ATP8B1: variants seen among roughly 807,000 people sequenced by gnomAD.
ATP8B1 encodes the protein phospholipid-transporting ATPase IC.
ATP8B1 carries 80 observed loss-of-function variants against 149.9 expected under a neutral mutation model. The observed-to-expected ratio is 0.53, with a 90% CI of 0.45 to 0.64. The LOEUF (loss-of-function observed/expected upper bound fraction) is 0.64, where lower values mean the gene tolerates loss of function less well. Among genes scored for constraint, ATP8B1 ranks in the 30% least tolerant of loss-of-function variants. The probability of loss-of-function intolerance (pLI) is 0.00; values close to 1 mark genes in which losing one functional copy is unlikely to be tolerated. For missense variants in ATP8B1, 1,247 were observed against 1,552.6 expected (o/e 0.80, Z 3.31); for synonymous variants, 536 against 562.8 (o/e 0.95, Z 0.67).
At chr18:57,687,242 A>G (rs1912296334) in intron 13 of ATP8B1, among the ~76,000 whole-genome samples, 2 of 152,092 alleles carry the variant, frequency 1.3e-5, no homozygotes, top group African/African-American at 4.8e-5. Flanking sequence ...AGTAACTCCC[A>G]ATTCCCCTGA....
intron 2 of ATP8B1, among the ~76,000 whole-genome samples, chr18:57,719,568 G>A (rs569955942): frequency 3.9e-5 from 6 of 152,180 alleles, no homozygotes; most frequent in Non-Finnish European, 7.3e-5. Flanking sequence ...GAAAAACGGC[G>A]CACCTAGAGA....
At position 57,706,259 on chromosome 18, in the gene ATP8B1, AAGAG is replaced by A. The variant is rs569415800; in HGVS notation, c.279+227_279+230del. Among the ~76,000 whole-genome samples the A allele has an allele frequency of 1.2e-4, 18 of 152,332 alleles. No individual in the cohort carries two copies. The East Asian group carries it at 3.3e-3, about 28-fold the overall frequency. ...TTCTAAGAGAGCTTAAAATTTAAAA[AAGAG>A]AGAGAAAATTTCAATCTACATAATT... On this transcript the variant is annotated intron_variant, in intron 3 of 27. Coordinates refer to ENST00000648908, the MANE Select transcript of ATP8B1 (RefSeq NM_001374385.1).
At chr18:57,659,467 G>A (rs116955855) in intron 22 of ATP8B1, among the ~76,000 whole-genome samples, 61 of 151,988 alleles carry the variant, frequency 4.0e-4, no homozygotes, top group African/African-American at 1.3e-3. Flanking sequence ...AAGCAAACCC[G>A]TCCCCTCCCA....
intron 1 of ATP8B1, among the ~76,000 whole-genome samples, chr18:57,770,359 C>T (rs1055600570): frequency 3.9e-5 from 6 of 152,344 alleles, no homozygotes; most frequent in African/African-American, 1.2e-4. Flanking sequence ...GGTTAGATGT[C>T]TCAAAATTTG....
At chr18:57,649,552 ACTCT>A (rs1398753603) in intron 27 of ATP8B1, among the ~76,000 whole-genome samples, 7 of 151,440 alleles carry the variant, frequency 4.6e-5, no homozygotes, top group Admixed American at 4.6e-4. Context: ...AGTAGCCTCT[ACTCT>A]CTCCTTCTTT....
intron 1 of ATP8B1, among the ~76,000 whole-genome samples, chr18:57,760,952 G>A (rs1488781168): frequency 6.6e-6 from 1 of 151,246 alleles, no homozygotes; most frequent in Admixed American, 6.6e-5. Flanking sequence ...TCGCACCACC[G>A]CCCTCCAGCC....
At chr18:57,729,940 T>C (rs1293773698) in intron 2 of ATP8B1, among the ~76,000 whole-genome samples, 2 of 152,100 alleles carry the variant, frequency 1.3e-5, no homozygotes, top group Non-Finnish European at 2.9e-5. Flanking sequence ...CCTCAACAGC[T>C]TGAAATCAAA....
intron 20 of ATP8B1, among the ~76,000 whole-genome samples, chr18:57,664,569 G>A (rs1910742448): frequency 6.6e-6 from 1 of 150,662 alleles, no homozygotes; most frequent in Non-Finnish European, 1.5e-5. Flanking sequence ...TTGTTTGTTA[G>A]GAATAAACTT....
chr18:57,715,151 A>C (rs572920083), intron 2 of ATP8B1, among the ~76,000 whole-genome samples: 90 of 152,346 alleles, frequency 5.9e-4, no homozygotes, highest in African/African-American at 2.0e-3. Context: ...TCTATCAGAT[A>C]AATGTAACAG....
At chr18:57,775,435 G>C (rs868179184) in intron 1 of ATP8B1, among the ~76,000 whole-genome samples, 5 of 151,834 alleles carry the variant, frequency 3.3e-5, no homozygotes, top group Non-Finnish European at 7.4e-5. Context: ...AGGAAAGACA[G>C]AAGAAGGAAG....
At position 57,689,353 on chromosome 18, in the gene ATP8B1, C is replaced by A. The variant is rs139392259; in HGVS notation, c.1221-846G>T. Reference sequence around the variant, plus strand: ...TTTGGCAAATACCCCAAATCATGATCCCTAAATTATGATAAGGTTATAGAA... The same window carrying A: ...TTTGGCAAATACCCCAAATCATGATACCTAAATTATGATAAGGTTATAGAA... On this transcript the variant is annotated intron_variant, in intron 12 of 27. Transcript: ENST00000648908. 2.3e-3 allele frequency among the ~76,000 whole-genome samples: 350 copies of A among 152,144 alleles called. 3 individuals carry two copies. Among genetic ancestry groups the A allele is most frequent in the African/African-American group, 8.2e-3 (340 of 41,498 alleles).
chr18:57,663,675 A>G (rs1264472202), intron 20 of ATP8B1, among the ~76,000 whole-genome samples: 1 of 151,040 alleles, frequency 6.6e-6, no homozygotes, highest in African/African-American at 2.4e-5. Context: ...TCCCCTAATG[A>G]TTAGTGATGA....
chr18:57,657,738 T>C (rs1388611282), intron 22 of ATP8B1, among the ~76,000 whole-genome samples: 2 of 152,084 alleles, frequency 1.3e-5, no homozygotes, highest in Non-Finnish European at 2.9e-5. Flanking sequence ...CTGAGGAAAA[T>C]GCTGAGATTC....
intron 19 of ATP8B1, chr18:57,668,140 T>C: frequency 7.3e-7 from 1 of 1,362,016 alleles, no homozygotes; most frequent in Non-Finnish European, 9.6e-7. Context: ...GGATGGCCCT[T>C]TCAGGACGGG....
chr18:57,759,180 A>G (rs1440329967), intron 1 of ATP8B1, among the ~76,000 whole-genome samples: 4 of 137,642 alleles, frequency 2.9e-5, no homozygotes, highest in Non-Finnish European at 6.4e-5. Context: ...AAAAAAAAAA[A>G]AAGAAATCCA....
At chr18:57,668,378 G>A in intron 19 of ATP8B1, 51 bp downstream of exon 19, 9 of 1,481,448 alleles carry the variant, frequency 6.1e-6, no homozygotes, top group Non-Finnish European at 8.5e-6. Context: ...GGAAACGGCA[G>A]CTATAAATAT....
At chr18:57,737,987 A>C (rs146688192) in intron 1 of ATP8B1, 69 of 152,328 alleles carry the variant, frequency 4.5e-4, no homozygotes, top group African/African-American at 1.7e-3. Context: ...TGCAGTGTGC[A>C]TGTGTGTGAA....
chr18:57,725,251 TAA>T (rs61391603), intron 2 of ATP8B1, among the ~76,000 whole-genome samples: 2 of 144,746 alleles, frequency 1.4e-5, no homozygotes, highest in Admixed American at 6.9e-5. Flanking sequence ...TAAAGTATAA[TAA>T]AAAAAAAAGA....
At chr18:57,773,994 C>T (rs1452776733) in intron 1 of ATP8B1, among the ~76,000 whole-genome samples, 4 of 152,162 alleles carry the variant, frequency 2.6e-5, no homozygotes, top group Non-Finnish European at 4.4e-5. Flanking sequence ...TACTCCTCGG[C>T]TCGAAACTCT....
Sources: allele counts gnomAD v4.1 joint callset (sites outside exome capture counted in the v4.1 genomes callset), GRCh38; gene constraint gnomAD v4.1.1; transcripts MANE v1.5; gene names NCBI Gene and HGNC (gene_info 2026-07-23, HGNC 2026-07-21).